Variants in WNK4 observed in about 807,000 individuals in gnomAD.
WNK4 encodes the protein serine/threonine-protein kinase WNK4.
Under a neutral mutation model 116.2 loss-of-function variants are expected in WNK4, and 94 were observed. That is an observed-to-expected ratio of 0.81 (90% CI 0.68 to 0.96). The LOEUF (loss-of-function observed/expected upper bound fraction) is 0.96, where lower values mean the gene tolerates loss of function less well. Among genes scored for constraint, WNK4 ranks in the 40% least tolerant of loss-of-function variants. The pLI is 0.00. For synonymous variants in WNK4, 655 were observed against 672.7 expected, an observed-to-expected ratio of 0.97 and a Z score of 0.41; for missense variants, 1,542 against 1,650.6, an observed-to-expected ratio of 0.93 and a Z score of 1.14.
At position 42,796,754 on chromosome 17, in the gene WNK4, T is replaced by A. The variant is rs1354910462; in HGVS notation, c.*66T>A. 27 of 1,614,044 alleles carry A rather than the reference T, an allele frequency of 1.7e-5. No individual in the cohort carries two copies. In the Admixed American group the frequency reaches 4.5e-4, roughly 27 times the overall value. ...CACCATGGAGCTTGTGTTCTCAGAATCTGATGCTTTCTGATCAACAAAACT... is the reference window on the plus strand; with the variant it reads ...CACCATGGAGCTTGTGTTCTCAGAAACTGATGCTTTCTGATCAACAAAACT... On this transcript the variant is annotated 3_prime_UTR_variant, in exon 19 of 19. Transcript: ENST00000246914.
chr17:42,785,034 G>T, intron 4 of WNK4, 63 bp from the exon 5 acceptor site: 1 of 1,522,848 alleles, frequency 6.6e-7, no homozygotes, highest in South Asian at 1.2e-5. Context: ...AGGGGTGGGG[G>T]GTGGTGTCAA....
intron 13 of WNK4, 29 bp downstream of exon 13, chr17:42,794,697 C>A: frequency 6.2e-7 from 1 of 1,613,828 alleles, no homozygotes; most frequent in African/African-American, 1.3e-5. Flanking sequence ...CCTTGCTCAT[C>A]CCAACCCCTG....
In WNK4 at chr17:42,784,561, C is replaced by T. The variant is rs756481059; in HGVS notation, c.1152C>T (p.Ile384=). The part of the protein sequence containing the change: ...PYSECQNAAQ[I]YRKVTSGRKP... ...CCGAGTGCCAGAATGCCGCGCAAAT[C>T]TACCGCAAGGTCACTTCGGTGAGAG... Residue 384 remains isoleucine (I), a synonymous_variant, in exon 4 of 19, where the codon ATC becomes ATT. Transcript: ENST00000246914. This position sits in a 1 kb window ranked among gnomAD's most constrained non-coding sequence, Gnocchi z 4.4. 3 of 1,614,184 alleles carry T rather than the reference C, an allele frequency of 1.9e-6. No homozygotes were observed. The South Asian group carries it at 3.3e-5, about 18-fold the overall frequency.
Position 42,780,625 on chromosome 17 carries a change from C to G in WNK4, c.-74C>G. ...CCGCTCAGCCGGAGCGCAGCGCACC[C>G]AGCGAGTCCGTCTGTCAGGCCGCCT... On this transcript the variant is annotated 5_prime_UTR_variant, in exon 1 of 19. Transcript: ENST00000246914. 1 of 1,582,812 alleles carries G rather than the reference C, an allele frequency of 6.3e-7. No individual in the cohort carries two copies. Among genetic ancestry groups the G allele is most frequent in the Non-Finnish European group, 8.5e-7 (1 of 1,169,930 alleles).
At chr17:42,788,447 G>A (rs1354755264) in intron 10 of WNK4, 40 bp downstream of exon 10, 1 of 1,596,872 alleles carries the variant, frequency 6.3e-7, no homozygotes, top group Non-Finnish European at 8.6e-7. Context: ...AACCTACAGG[G>A]CCAGGAGGGA....
rs1410205255 is a variant in WNK4 at position 42,784,208 on chromosome 17, A to G, written c.1012+51A>G. ...CCATTCCTTCCTCCCCCACCTCAGA[A>G]GAGAACCTGGGGACTCCCTCCCCTC... On this transcript the variant is annotated intron_variant, in intron 3 of 18. Coordinates refer to ENST00000246914, the MANE Select transcript of WNK4 (RefSeq NM_032387.5). This position sits in a 1 kb window ranked among gnomAD's most constrained non-coding sequence, Gnocchi z 4.4. The G allele has an allele frequency of 6.3e-7, 1 of 1,599,386 alleles. No individual in the cohort carries two copies. Among genetic ancestry groups the G allele is most frequent in the African/African-American group, 1.3e-5 (1 of 74,912 alleles).
Position 42,780,873 on chromosome 17 carries a change from C to T in WNK4, c.175C>T (p.Leu59Phe). The T allele has an allele frequency of 7.5e-6, 12 of 1,604,874 alleles. No homozygotes were observed. The highest frequency in any genetic ancestry group is 9.3e-6 in the Non-Finnish European group (11 of 1,179,444). ...KAEPRPRSSR[L>F]SRRSSVDLGL... ...TGAGCCCCGGCCGCGCTCTTCTCGTCTCAGCCGCCGTAGCTCAGTCGACTT... is the reference window on the plus strand; with the variant it reads ...TGAGCCCCGGCCGCGCTCTTCTCGTTTCAGCCGCCGTAGCTCAGTCGACTT... The change falls in exon 1 of 19, where the codon CTC becomes TTC. Residue 59 changes from leucine (L) to phenylalanine (F), a missense_variant. Leu to Phe is a conservative substitution (Grantham distance 22). Coordinates refer to ENST00000246914, the MANE Select transcript of WNK4 (RefSeq NM_032387.5).
chr17:42,781,450 C>A, intron 1 of WNK4, 134 bp downstream of exon 1: 1 of 1,221,424 alleles, frequency 8.2e-7, no homozygotes, highest in Non-Finnish European at 1.1e-6. Context: ...GACACCTCTG[C>A]TGTCTTTGCC....
Position 42,795,116 on chromosome 17 carries a change from G to A in WNK4, c.2695G>A (p.Val899Ile). The A allele has an allele frequency of 1.2e-6, 2 of 1,613,816 alleles. No individual in the cohort carries two copies. The highest frequency in any genetic ancestry group is 1.7e-6 in the Non-Finnish European group (2 of 1,179,964). The change falls in exon 14 of 19, where the codon GTC becomes ATC. Residue 899 changes from valine (V) to isoleucine (I), a missense_variant. By Grantham distance (29) the Val-to-Ile change is conservative. Around this residue, in one of 7 missense-constraint regions of WNK4, gnomAD observed 292 missense variants for 290.1 expected, o/e 1.01. Transcript: ENST00000246914. ...PPTFSPTCSQ[V>I]TLSSPFFPPC... ...TACGTTCTCTCCCACTTGTTCTCAG[G>A]TCACTCTTAGTTCCCCTTTCTTTCC...
chr17:42,788,054 C>A, intron 8 of WNK4, 76 bp from the exon 9 acceptor site: 3 of 1,593,374 alleles, frequency 1.9e-6, no homozygotes, highest in Non-Finnish European at 2.6e-6. Flanking sequence ...AATATCCTCC[C>A]AGCATCCTTG....
Position 42,794,547 on chromosome 17 carries a change from G to A in WNK4, c.2296-67G>A, listed in dbSNP as rs530599744. 1.9e-4 allele frequency: 306 copies of A among 1,579,780 alleles called. 1 individual carries two copies. The highest frequency in any genetic ancestry group is 2.5e-4 in the Non-Finnish European group (283 of 1,153,828). On this transcript the variant is annotated intron_variant, in intron 12 of 18. Transcript: ENST00000246914. ...TCATGGGTCCTAGCTTAGGAACCCC[G>A]GTCTGACACCTTCCATCTCAGACTG...
In WNK4 at chr17:42,788,529, G is replaced by A. The variant is rs913010800; in HGVS notation, c.2040+122G>A. Reference sequence around the variant, plus strand: ...AGTGTATGACTAGTACTCAAGAGGCGGCCAGTCTGGTTTCTAATACCAGAC... The same window carrying A: ...AGTGTATGACTAGTACTCAAGAGGCAGCCAGTCTGGTTTCTAATACCAGAC... On this transcript the variant is annotated intron_variant, in intron 10 of 18. Coordinates refer to ENST00000246914, the MANE Select transcript of WNK4 (RefSeq NM_032387.5). 13 of 1,204,268 alleles carry A rather than the reference G, an allele frequency of 1.1e-5. No individual in the cohort carries two copies. In the African/African-American group the frequency reaches 1.2e-4, roughly 11 times the overall value. The allele number at this position is 1,204,268 out of a possible 1,614,324, so 74.6% of individuals were successfully genotyped here.
chr17:42,792,796 C>G (rs2054619460), intron 11 of WNK4, among the ~76,000 whole-genome samples: 1 of 152,106 alleles, frequency 6.6e-6, no homozygotes, highest in African/African-American at 2.4e-5. Flanking sequence ...CCATTTATTG[C>G]CTTATTCTGA....
chr17:42,788,850 C>A, intron 11 of WNK4, 53 bp downstream of exon 11: 1 of 1,455,496 alleles, frequency 6.9e-7, no homozygotes, highest in Non-Finnish European at 9.7e-7. Context: ...CAAGAGTCTC[C>A]TTCCTGATGT....
Position 42,784,127 on chromosome 17 carries a change from A to T in WNK4, c.982A>T (p.Lys328Ter), listed in dbSNP as rs2054515574. The change falls in exon 3 of 19, where the codon AAG becomes TAG. Residue 328 changes from lysine to a stop codon, truncating the protein, a stop_gained. Coordinates refer to ENST00000246914, the MANE Select transcript of WNK4 (RefSeq NM_032387.5). LOFTEE classifies it high-confidence loss of function. This position sits in a 1 kb window ranked among gnomAD's most constrained non-coding sequence, Gnocchi z 4.4. The stretch of plus-strand genomic sequence containing the variant: ...CGGGGACCTGGGCCTGGCCACGCTC[A>T]AGCGCGCCTCCTTTGCCAAGAGTGT... Reference protein sequence around the residue: ...KIGDLGLATLKRASFAKSVIG... With the variant: ...KIGDLGLATL The T allele has an allele frequency of 6.2e-7, 1 of 1,608,504 alleles. No homozygotes were observed. Among genetic ancestry groups the T allele is most frequent in the Non-Finnish European group, 8.5e-7 (1 of 1,180,008 alleles).
In WNK4 at chr17:42,782,990, C is replaced by T; in HGVS notation, c.791+60C>T. 5.7e-6 allele frequency: 9 copies of T among 1,588,384 alleles called. No homozygotes were observed. The highest frequency in any genetic ancestry group is 7.7e-6 in the Non-Finnish European group (9 of 1,165,888). On this transcript the variant is annotated intron_variant, in intron 2 of 18. Transcript: ENST00000246914. This position sits in a 1 kb window ranked among gnomAD's most constrained non-coding sequence, Gnocchi z 4.2. ...GGCTGGGATGTGTGCCCACTGCTTC[C>T]TGAACTCCCAGGCTCCTCAAACTCT...
At position 42,795,229 on chromosome 17, in the gene WNK4, T is replaced by C. The variant is rs2054652345; in HGVS notation, c.2808T>C (p.Thr936=). 1 of 1,613,980 alleles carries C rather than the reference T, an allele frequency of 6.2e-7. No individual in the cohort carries two copies. The highest frequency in any genetic ancestry group is 8.5e-7 in the Non-Finnish European group (1 of 1,179,958). The change falls in exon 14 of 19, where the codon ACT becomes ACC. Residue 936 remains threonine, a synonymous_variant. Transcript: ENST00000246914. ...GTGCCTTCTCACTGGCTGTGATGACTGTGGCCCAGTCCCTGCTGTCCCCCT... is the reference window on the plus strand; with the variant it reads ...GTGCCTTCTCACTGGCTGTGATGACCGTGGCCCAGTCCCTGCTGTCCCCCT... The part of the protein sequence containing the change: ...LASAFSLAVM[T]VAQSLLSPSP...
At position 42,785,428 on chromosome 17, in the gene WNK4, C is replaced by T. The variant is rs1597896726; in HGVS notation, c.1422C>T (p.Ile474=). The change falls in exon 6 of 19, where the codon ATC becomes ATT. Residue 474 remains isoleucine, a synonymous_variant. Coordinates refer to ENST00000246914, the MANE Select transcript of WNK4 (RefSeq NM_032387.5). ...GGCGCCCACGGGACAACCAGGCCAT[C>T]GAGTTCCTGTTCCAGCTGGGCCGGG... ...RGGRPRDNQA[I]EFLFQLGRDA... The T allele has an allele frequency of 2.6e-6, 4 of 1,561,926 alleles. No homozygotes were observed. Among genetic ancestry groups the T allele is most frequent in the Non-Finnish European group, 3.5e-6 (4 of 1,152,698 alleles).
chr17:42,784,588 G>C lies in WNK4; in HGVS notation c.1170+9G>C. ...ACCGCAAGGTCACTTCGGTGAGAGG[G>C]ATGGGGCTGGCGGGAAAGGCAATTC... is the stretch of plus-strand genomic sequence containing the variant. On this transcript the variant is annotated intron_variant, in intron 4 of 18. Transcript: ENST00000246914. The surrounding 1 kb of genome is among the most constrained non-coding windows in gnomAD (Gnocchi z 4.4). The C allele has an allele frequency of 6.2e-7, 1 of 1,614,070 alleles. No homozygotes were observed. Among genetic ancestry groups the C allele is most frequent in the Non-Finnish European group, 8.5e-7 (1 of 1,180,024 alleles).
Sources: gnomAD v4.1 joint callset for allele counts (sites outside exome capture counted in the v4.1 genomes callset) on GRCh38, gnomAD v4.1.1 for gene constraint, gnomAD v4.1.1 regional missense constraint, Gnocchi (gnomAD v3.1) non-coding constraint, MANE v1.5 for transcripts, NCBI Gene and HGNC (gene_info 2026-07-23, HGNC 2026-07-21) for gene names.